The following AFG2A variants were observed in gnomAD, a reference collection of about 807,000 sequenced individuals.
AFG2A encodes the protein ATPase family gene 2 protein homolog A.
the AFG2A span, among the ~76,000 whole-genome samples, chr4:123,262,816 T>C: frequency 6.6e-6 from 1 of 152,234 alleles, no homozygotes; most frequent in Non-Finnish European, 1.5e-5. Flanking sequence ...AATGTATTTA[T>C]GTGGCATGAT....
the AFG2A span, among the ~76,000 whole-genome samples, chr4:123,139,288 C>T: frequency 1.3e-5 from 2 of 152,062 alleles, no homozygotes; most frequent in Admixed American, 6.5e-5. Flanking sequence ...ACTCAAAGGT[C>T]ATTCAGAAAC....
the AFG2A span, among the ~76,000 whole-genome samples, chr4:123,003,650 G>A: frequency 6.6e-6 from 1 of 152,040 alleles, no homozygotes; most frequent in South Asian, 2.1e-4. Flanking sequence ...GCTGCTGTCT[G>A]ATCATCCCTC....
chr4:123,020,520 C>T, the AFG2A span, among the ~76,000 whole-genome samples: 1 of 151,910 alleles, frequency 6.6e-6, no homozygotes, highest in Non-Finnish European at 1.5e-5. Flanking sequence ...AGGTGCCGGC[C>T]ACTATGCCTG....
chr4:123,064,124 T>C, the AFG2A span, among the ~76,000 whole-genome samples: 2 of 152,232 alleles, frequency 1.3e-5, no homozygotes, highest in African/African-American at 2.4e-5. Context: ...TATTTACTTC[T>C]CTTCTGTATG....
chr4:123,029,596 T>C, the AFG2A span, among the ~76,000 whole-genome samples: 1 of 152,160 alleles, frequency 6.6e-6, no homozygotes, highest in Non-Finnish European at 1.5e-5. Context: ...TACAGCATGA[T>C]CACTTATGGG....
chr4:122,965,289 A>C, the AFG2A span, among the ~76,000 whole-genome samples: 2 of 152,324 alleles, frequency 1.3e-5, no homozygotes, highest in Admixed American at 1.3e-4. Flanking sequence ...TGAGTATAAA[A>C]TTGTAGGATT....
At chr4:122,947,284 G>T in the AFG2A span, 3 of 1,612,238 alleles carry the variant, frequency 1.9e-6, no homozygotes, top group Non-Finnish European at 2.5e-6. Flanking sequence ...TCGCCCTCAT[G>T]CCTTGGATGC....
the AFG2A span, among the ~76,000 whole-genome samples, chr4:123,280,815 C>T: frequency 6.6e-6 from 1 of 152,120 alleles, no homozygotes; most frequent in African/African-American, 2.4e-5. Context: ...TGACATGTAA[C>T]ATAACATATT....
the AFG2A span, among the ~76,000 whole-genome samples, chr4:123,053,516 A>T: frequency 2.8e-4 from 43 of 152,308 alleles, no homozygotes; most frequent in South Asian, 6.6e-3. Flanking sequence ...TTATTTGCTC[A>T]TATCAGCATG....
the AFG2A span, among the ~76,000 whole-genome samples, chr4:122,990,363 C>G: frequency 6.6e-6 from 1 of 152,176 alleles, no homozygotes; most frequent in Non-Finnish European, 1.5e-5. Context: ...AAAAACTCTA[C>G]CATTAGAATT....
chr4:123,084,841 G>A, the AFG2A span, among the ~76,000 whole-genome samples: 1 of 152,012 alleles, frequency 6.6e-6, no homozygotes, highest in Non-Finnish European at 1.5e-5. Context: ...CTGTTGCCAA[G>A]GCTGGTCTCA....
the AFG2A span, among the ~76,000 whole-genome samples, chr4:123,023,189 A>G: frequency 6.6e-6 from 1 of 151,682 alleles, no homozygotes. Context: ...GTATAATAAT[A>G]ATGATAATAA....
chr4:123,313,584 C>T, the AFG2A span, among the ~76,000 whole-genome samples: 2 of 152,242 alleles, frequency 1.3e-5, no homozygotes, highest in Non-Finnish European at 2.9e-5. Flanking sequence ...TGCACAGCTA[C>T]CTACCCTTAC....
At chr4:123,184,629 C>T in the AFG2A span, among the ~76,000 whole-genome samples, 7 of 147,038 alleles carry the variant, frequency 4.8e-5, no homozygotes, top group South Asian at 8.7e-4. Flanking sequence ...CTCCGCCTCC[C>T]GGGTTCACGC....
At chr4:122,934,562 A>G in the AFG2A span, 3 of 1,613,748 alleles carry the variant, frequency 1.9e-6, no homozygotes, top group Non-Finnish European at 2.5e-6. Context: ...GATACTTTTT[A>G]TTTTATTTCT....
the AFG2A span, among the ~76,000 whole-genome samples, chr4:122,944,755 A>G: frequency 6.6e-6 from 1 of 151,678 alleles, no homozygotes; most frequent in Non-Finnish European, 1.5e-5. Flanking sequence ...TTTTTTCCCC[A>G]TCTTTGTGGT....
At chr4:123,277,001 T>C in the AFG2A span, among the ~76,000 whole-genome samples, 1 of 152,196 alleles carries the variant, frequency 6.6e-6, no homozygotes, top group Non-Finnish European at 1.5e-5. Flanking sequence ...AAAATAGTTT[T>C]TTCTAATTCT....
chr4:122,965,713 T>C, the AFG2A span, among the ~76,000 whole-genome samples: 1 of 152,218 alleles, frequency 6.6e-6, no homozygotes, highest in South Asian at 2.1e-4. Context: ...GAGGAAATGT[T>C]GATGGCTTAC....
chr4:123,203,371 A>G, the AFG2A span, among the ~76,000 whole-genome samples: 1 of 151,834 alleles, frequency 6.6e-6, no homozygotes, highest in Admixed American at 6.6e-5. Context: ...CACCCAGGCT[A>G]GAGTCCAATG....
Sources: allele counts gnomAD v4.1 joint callset (sites outside exome capture counted in the v4.1 genomes callset), GRCh38; gene constraint gnomAD v4.1.1; transcripts MANE v1.5; gene names NCBI Gene and HGNC (gene_info 2026-07-23, HGNC 2026-07-21).